The following GRID1 variants were observed in gnomAD, a reference collection of about 807,000 sequenced individuals.
GRID1 encodes glutamate ionotropic receptor delta type subunit 1, also known as glutamate receptor ionotropic, delta-1.
In GRID1, 28 loss-of-function variants were observed where a neutral mutation model predicts 98.0. The observed-to-expected ratio is 0.29, with a 90% CI of 0.21 to 0.39. The LOEUF (loss-of-function observed/expected upper bound fraction) is 0.39. Among genes scored for constraint, GRID1 ranks in the 10% least tolerant of loss-of-function variants. The pLI is 1.00. For synonymous variants in GRID1, 553 were observed against 538.5 expected (o/e 1.03, Z -0.37); for missense variants, 1,111 against 1,340.5 (o/e 0.83, Z 2.67).
At chr10:86,190,066 C>T (rs1172122321) in intron 3 of GRID1, among the ~76,000 whole-genome samples, 1 of 152,150 alleles carries the variant, frequency 6.6e-6, no homozygotes, top group Non-Finnish European at 1.5e-5. Flanking sequence ...GCATGCCTTC[C>T]GTGACTCGGC....
intron 3 of GRID1, among the ~76,000 whole-genome samples, chr10:86,155,555 G>A: frequency 6.6e-6 from 1 of 152,206 alleles, no homozygotes; most frequent in East Asian, 1.9e-4. Context: ...TAAAATATGA[G>A]CAATTCATCA....
chr10:85,910,009 T>G (rs1841515500), intron 5 of GRID1, among the ~76,000 whole-genome samples: 1 of 152,240 alleles, frequency 6.6e-6, no homozygotes, highest in African/African-American at 2.4e-5. Flanking sequence ...ATCTAAGGTC[T>G]GATAAATGGC....
chr10:85,752,645 C>A (rs1028160092), intron 8 of GRID1, among the ~76,000 whole-genome samples: 2 of 152,106 alleles, frequency 1.3e-5, no homozygotes, highest in African/African-American at 4.8e-5. Context: ...TATTCTATTG[C>A]TAACTTGGAA....
intron 3 of GRID1, among the ~76,000 whole-genome samples, chr10:86,180,050 C>A (rs1345101905): frequency 6.6e-6 from 1 of 152,198 alleles, no homozygotes; most frequent in African/African-American, 2.4e-5. Flanking sequence ...TGGCAGAAGC[C>A]AAGTCAAGAG....
intron 4 of GRID1, among the ~76,000 whole-genome samples, chr10:86,083,471 T>G (rs1844006672): frequency 6.6e-6 from 1 of 152,362 alleles, no homozygotes; most frequent in East Asian, 1.9e-4. Context: ...TGAATTTCGC[T>G]CCTCGCTGTC....
chr10:86,125,737 G>A (rs190724497), intron 4 of GRID1, among the ~76,000 whole-genome samples: 225 of 151,908 alleles, frequency 1.5e-3, no homozygotes, highest in African/African-American at 4.8e-3. Context: ...CAACCCTTCC[G>A]CCTCTTCCTC....
At chr10:85,737,454 A>G (rs564497848) in intron 8 of GRID1, among the ~76,000 whole-genome samples, 20 of 151,894 alleles carry the variant, frequency 1.3e-4, no homozygotes, top group Admixed American at 3.9e-4. Flanking sequence ...TCTAGCTTCT[A>G]CTACCTTAAA....
chr10:86,024,862 A>G (rs1467560920), intron 4 of GRID1, among the ~76,000 whole-genome samples: 1 of 152,206 alleles, frequency 6.6e-6, no homozygotes, highest in Non-Finnish European at 1.5e-5. Context: ...TCTGCCAAGA[A>G]AACACCCAAA....
At position 85,744,038 on chromosome 10, in the gene GRID1, C is replaced by T. The variant is rs151312443; in HGVS notation, c.1234-14424G>A. Among the ~76,000 whole-genome samples the T allele has an allele frequency of 3.9e-5, 6 of 152,084 alleles. No homozygotes were observed. In the South Asian group the frequency reaches 6.3e-4, roughly 16 times the overall value. On this transcript the variant is annotated intron_variant, in intron 8 of 15. Coordinates refer to ENST00000327946, the MANE Select transcript of GRID1 (RefSeq NM_017551.3). ...TCTCAGTGTTTTCTAGCAGAAAATT[C>T]CAAAATAAGAGAGGTTCTCAATGCA...
rs999684990 is a variant in GRID1, at chr10:86,366,608, G to A, written c.-216C>T. The A allele has an allele frequency of 1.3e-4, 22 of 174,882 alleles. No individual in the cohort carries two copies. The East Asian group carries it at 3.5e-3, about 28-fold the overall frequency. The allele number at this position is 174,882 out of a possible 1,614,324, so 10.8% of individuals were successfully genotyped here. Reference sequence around the variant, plus strand: ...CGGTCGGGCTCCCGCTCCGGCTCCGGTGGCGGCTGCGGCGGTGCTGGCAGC... The same window carrying A: ...CGGTCGGGCTCCCGCTCCGGCTCCGATGGCGGCTGCGGCGGTGCTGGCAGC... On this transcript the variant is annotated 5_prime_UTR_variant, in exon 1 of 16. Coordinates refer to ENST00000327946, the MANE Select transcript of GRID1 (RefSeq NM_017551.3). The surrounding 1 kb of genome is among the most constrained non-coding windows in gnomAD (Gnocchi z 4.1).
At chr10:85,991,318 G>A (rs933332745) in intron 4 of GRID1, among the ~76,000 whole-genome samples, 3 of 152,220 alleles carry the variant, frequency 2.0e-5, no homozygotes, top group Non-Finnish European at 4.4e-5. Flanking sequence ...AAGTAGGGGA[G>A]GAGCAAAGTA....
At chr10:85,727,397 T>G (rs1337747617) in intron 10 of GRID1, among the ~76,000 whole-genome samples, 1 of 152,090 alleles carries the variant, frequency 6.6e-6, no homozygotes, top group Non-Finnish European at 1.5e-5. Flanking sequence ...AGAGTACAAT[T>G]TAAATAAGTA....
At chr10:85,960,363 G>A (rs1179611963) in intron 4 of GRID1, among the ~76,000 whole-genome samples, 1 of 152,238 alleles carries the variant, frequency 6.6e-6, no homozygotes, top group Non-Finnish European at 1.5e-5. Flanking sequence ...ACACAGACAG[G>A]TGGCGAAGTG....
intron 12 of GRID1, among the ~76,000 whole-genome samples, chr10:85,676,949 T>G (rs1358593308): frequency 1.3e-5 from 2 of 152,104 alleles, no homozygotes; most frequent in African/African-American, 4.8e-5. Context: ...GGGGTAGTAA[T>G]AAAATAAATA....
intron 2 of GRID1, among the ~76,000 whole-genome samples, chr10:86,210,348 A>G (rs1355669450): frequency 6.6e-6 from 1 of 152,196 alleles, no homozygotes; most frequent in Non-Finnish European, 1.5e-5. Flanking sequence ...TCCTCCGGTC[A>G]GTAGCCACAC....
At chr10:85,631,720 G>A (rs578188745) in intron 13 of GRID1, among the ~76,000 whole-genome samples, 1 of 152,224 alleles carries the variant, frequency 6.6e-6, no homozygotes, top group East Asian at 1.9e-4. Context: ...CAAAGACCAT[G>A]ATAAACAATA....
At chr10:86,297,073 C>T (rs1487416440) in intron 2 of GRID1, among the ~76,000 whole-genome samples, 1 of 152,012 alleles carries the variant, frequency 6.6e-6, no homozygotes, top group Non-Finnish European at 1.5e-5. Context: ...GTTACTTTCC[C>T]AAAAGTTAAC....
At chr10:86,100,014 T>C (rs1217018134) in intron 4 of GRID1, among the ~76,000 whole-genome samples, 1 of 152,150 alleles carries the variant, frequency 6.6e-6, no homozygotes, top group East Asian at 1.9e-4. Flanking sequence ...CAGAGCCTGG[T>C]AACTAGCATG....
At chr10:86,201,324 T>C (rs1242676232) in intron 3 of GRID1, among the ~76,000 whole-genome samples, 1 of 152,228 alleles carries the variant, frequency 6.6e-6, no homozygotes, top group African/African-American at 2.4e-5. Flanking sequence ...GAAGTGTTAT[T>C]CCACATATAT....
Sources: gnomAD v4.1 joint callset for allele counts (sites outside exome capture counted in the v4.1 genomes callset) on GRCh38, gnomAD v4.1.1 for gene constraint, Gnocchi (gnomAD v3.1) non-coding constraint, MANE v1.5 for transcripts, NCBI Gene and HGNC (gene_info 2026-07-23, HGNC 2026-07-21) for gene names.